The following ANAPC10 variants were observed in gnomAD, a reference collection of about 807,000 sequenced individuals.
ANAPC10 encodes anaphase promoting complex subunit 10.
Under a neutral mutation model 22.0 loss-of-function variants are expected in ANAPC10, and 12 were observed. That is an observed-to-expected ratio of 0.55 (90% CI 0.35 to 0.88). The LOEUF (loss-of-function observed/expected upper bound fraction) is 0.88, where lower values mean the gene tolerates loss of function less well. Among genes scored for constraint, ANAPC10 ranks in the 40% least tolerant of loss-of-function variants. The probability of loss-of-function intolerance (pLI) is 0.01; values close to 1 mark genes in which losing one functional copy is unlikely to be tolerated. For synonymous variants in ANAPC10, 65 were observed against 69.5 expected, an observed-to-expected ratio of 0.94 and a Z score of 0.32; for missense variants, 188 against 220.9, an observed-to-expected ratio of 0.85 and a Z score of 0.94.
chr4:145,024,664 C>T (rs894965351), intron 4 of ANAPC10, among the ~76,000 whole-genome samples: 3 of 152,192 alleles, frequency 2.0e-5, no homozygotes, highest in African/African-American at 7.2e-5. Flanking sequence ...CAGATGTACT[C>T]TCATCCAGGC....
chr4:145,064,465 T>C (rs1460792543), intron 4 of ANAPC10, 107 bp downstream of exon 4: 5 of 834,414 alleles, frequency 6.0e-6, no homozygotes, highest in Middle Eastern at 4.1e-4. Context: ...AATATTTTTC[T>C]CTTATATATT....
intron 4 of ANAPC10, among the ~76,000 whole-genome samples, chr4:145,014,987 A>G (rs1269245908): frequency 6.6e-6 from 1 of 152,160 alleles, no homozygotes; most frequent in Non-Finnish European, 1.5e-5. Flanking sequence ...CAAATGAGAA[A>G]GAACCAGAAA....
At chr4:145,014,976 G>A (rs1245387179) in intron 4 of ANAPC10, among the ~76,000 whole-genome samples, 1 of 152,048 alleles carries the variant, frequency 6.6e-6, no homozygotes, top group Admixed American at 6.6e-5. Context: ...CAGAGGCTAT[G>A]CAAATGAGAA....
chr4:145,015,093 C>T (rs1452707345), intron 4 of ANAPC10, among the ~76,000 whole-genome samples: 1 of 151,914 alleles, frequency 6.6e-6, no homozygotes, highest in Non-Finnish European at 1.5e-5. Context: ...AAAGAAATCC[C>T]TGACTTACCT....
intron 1 of ANAPC10, 73 bp from the exon 2 acceptor site, chr4:145,096,184 A>G: frequency 6.7e-6 from 10 of 1,495,470 alleles, no homozygotes; most frequent in Non-Finnish European, 8.2e-6. Context: ...TTTACCAAGA[A>G]AAATTTAATG....
intron 3 of ANAPC10, among the ~76,000 whole-genome samples, chr4:145,070,835 T>C (rs1262087409): frequency 1.3e-5 from 2 of 152,210 alleles, no homozygotes; most frequent in Non-Finnish European, 2.9e-5. Flanking sequence ...TTCTGACACA[T>C]GCTACAACAT....
intron 4 of ANAPC10, among the ~76,000 whole-genome samples, chr4:145,049,724 T>C (rs971249433): frequency 6.6e-6 from 1 of 152,092 alleles, no homozygotes; most frequent in Non-Finnish European, 1.5e-5. Flanking sequence ...GGACTACAGA[T>C]GTGCATCACC....
At chr4:145,013,550 T>C (rs1451529211) in intron 4 of ANAPC10, among the ~76,000 whole-genome samples, 1 of 152,164 alleles carries the variant, frequency 6.6e-6, no homozygotes, top group Non-Finnish European at 1.5e-5. Flanking sequence ...CATCTTTTCA[T>C]ATATAATCAG....
At chr4:145,009,623 A>T (rs1733978074) in intron 4 of ANAPC10, among the ~76,000 whole-genome samples, 1 of 152,180 alleles carries the variant, frequency 6.6e-6, no homozygotes, top group African/African-American at 2.4e-5. Context: ...AGCCATATGT[A>T]GAAAGCTGAA....
At chr4:145,027,509 G>C (rs1736934291) in intron 4 of ANAPC10, among the ~76,000 whole-genome samples, 1 of 152,076 alleles carries the variant, frequency 6.6e-6, no homozygotes, top group South Asian at 2.1e-4. Flanking sequence ...TCTTCAAATT[G>C]ATAGAAACCA....
Position 144,995,373 on chromosome 4 carries a change from T to A in ANAPC10, c.558A>T (p.Ter186CysextTer2), listed in dbSNP as rs1440073622. 1 of 1,591,886 alleles carries A rather than the reference T, an allele frequency of 6.3e-7. No homozygotes were observed. Among genetic ancestry groups the A allele is most frequent in the Non-Finnish European group, 8.6e-7 (1 of 1,163,272 alleles). ...IDFMMYRSIR[*>C] Reference sequence around the variant, plus strand: ...TAATGATTTTCGTCTCATTTTAAAGTCACCTTATTGAACGATACATCATGA... The same window carrying A: ...TAATGATTTTCGTCTCATTTTAAAGACACCTTATTGAACGATACATCATGA... The change falls in exon 5 of 5, where the codon TGA (stop) becomes TGT (cysteine). Residue 186 changes from the stop codon to cysteine, a stop_lost. Coordinates refer to ENST00000507656, the MANE Select transcript of ANAPC10 (RefSeq NM_001256706.2).
chr4:145,062,727 T>TGCA (rs1214191452), intron 4 of ANAPC10, among the ~76,000 whole-genome samples: 1 of 152,224 alleles, frequency 6.6e-6, no homozygotes, highest in Non-Finnish European at 1.5e-5. Context: ...CCATGTTCAC[T>TGCA]GCAGCATTAT....
At chr4:145,042,196 T>G (rs1335663029) in intron 4 of ANAPC10, among the ~76,000 whole-genome samples, 1 of 152,172 alleles carries the variant, frequency 6.6e-6, no homozygotes, top group Non-Finnish European at 1.5e-5. Flanking sequence ...TGATACTCAG[T>G]AGCATAAGAG....
At chr4:145,025,086 C>T (rs1195217377) in intron 4 of ANAPC10, among the ~76,000 whole-genome samples, 2 of 152,302 alleles carry the variant, frequency 1.3e-5, no homozygotes, top group African/African-American at 2.4e-5. Flanking sequence ...TCTTCTGCAG[C>T]TTCCTCACCT....
chr4:145,037,016 G>A (rs1738654950), intron 4 of ANAPC10, among the ~76,000 whole-genome samples: 1 of 140,842 alleles, frequency 7.1e-6, no homozygotes, highest in Admixed American at 7.1e-5. Flanking sequence ...GTGTGTGTGT[G>A]TGTGTGTGTG....
intron 4 of ANAPC10, among the ~76,000 whole-genome samples, chr4:145,040,722 T>C (rs1171615443): frequency 1.3e-5 from 2 of 152,006 alleles, no homozygotes; most frequent in Non-Finnish European, 2.9e-5. Context: ...ACCGAAGTAA[T>C]AACCTTAAAG....
intron 3 of ANAPC10, among the ~76,000 whole-genome samples, chr4:145,067,852 G>T (rs1277355197): frequency 1.3e-5 from 2 of 152,104 alleles, no homozygotes; most frequent in South Asian, 4.1e-4. Context: ...TTAAAGTTAG[G>T]TAGAGCCATA....
intron 4 of ANAPC10, among the ~76,000 whole-genome samples, chr4:145,037,903 C>T (rs965098610): frequency 1.0e-4 from 15 of 145,788 alleles, no homozygotes; most frequent in African/African-American, 3.3e-4. Context: ...ACCATGATTG[C>T]GCTACTGCAC....
intron 4 of ANAPC10, among the ~76,000 whole-genome samples, chr4:145,054,905 T>C (rs1185433346): frequency 6.6e-6 from 1 of 152,170 alleles, no homozygotes; most frequent in Non-Finnish European, 1.5e-5. Context: ...ATAGTTGTAC[T>C]CTTCTACTTT....
Sources: allele counts gnomAD v4.1 joint callset (sites outside exome capture counted in the v4.1 genomes callset), GRCh38; gene constraint gnomAD v4.1.1; transcripts MANE v1.5; gene names NCBI Gene and HGNC (gene_info 2026-07-23, HGNC 2026-07-21).